The following TGFBR2 variants were observed in gnomAD, a reference collection of about 807,000 sequenced individuals.
TGFBR2 encodes the protein TGF-beta receptor type-2.
In TGFBR2, 18 loss-of-function variants were observed where a neutral mutation model predicts 49.0. The ratio of observed to expected loss-of-function variants is 0.37; its 90% CI spans 0.25 to 0.54. TGFBR2 has a LOEUF of 0.54. Among genes scored for constraint, TGFBR2 ranks in the 20% least tolerant of loss-of-function variants. The pLI, the probability that TGFBR2 is intolerant of heterozygous loss-of-function variation, is 0.85. For missense variants in TGFBR2, 525 were observed against 722.6 expected, an observed-to-expected ratio of 0.73 and a Z score of 3.13; for synonymous variants, 282 against 275.9, an observed-to-expected ratio of 1.02 and a Z score of -0.22.
At chr3:30,628,878 T>C (rs1051497489) in intron 1 of TGFBR2, among the ~76,000 whole-genome samples, 3 of 152,186 alleles carry the variant, frequency 2.0e-5, no homozygotes, top group African/African-American at 7.2e-5. Context: ...TTGTCCCTAA[T>C]TGTCTTCTCT....
intron 1 of TGFBR2, among the ~76,000 whole-genome samples, chr3:30,622,741 G>A (rs1396268144): frequency 6.6e-6 from 1 of 151,792 alleles, no homozygotes; most frequent in East Asian, 1.9e-4. Context: ...TTAGCTAGGA[G>A]TGGTGGGACA....
chr3:30,614,976 C>G (rs1698104419), intron 1 of TGFBR2, among the ~76,000 whole-genome samples: 1 of 152,086 alleles, frequency 6.6e-6, no homozygotes, highest in African/African-American at 2.4e-5. Context: ...ATATATTATC[C>G]CATTGCATTT....
Position 30,674,261 on chromosome 3 carries a change from G to A in TGFBR2, c.1396+15G>A, listed in dbSNP as rs1699394680. 5 of 1,613,844 alleles carry A rather than the reference G, an allele frequency of 3.1e-6. No individual in the cohort carries two copies. Among genetic ancestry groups the A allele is most frequent in the Non-Finnish European group, 4.2e-6 (5 of 1,179,916 alleles). ...TGCAGTGGGAGGTAGGTGTGGACCA[G>A]CATCATTGTGTAGTGGTAAACTTGT... On this transcript the variant is annotated intron_variant, in intron 5 of 6. Coordinates refer to ENST00000295754, the MANE Select transcript of TGFBR2 (RefSeq NM_003242.6).
At chr3:30,624,343 C>T (rs1698290114) in intron 1 of TGFBR2, among the ~76,000 whole-genome samples, 1 of 152,118 alleles carries the variant, frequency 6.6e-6, no homozygotes, top group Non-Finnish European at 1.5e-5. Flanking sequence ...GATGGCCAGG[C>T]ACGGTGGCTC....
intron 1 of TGFBR2, among the ~76,000 whole-genome samples, chr3:30,631,766 A>G (rs1326606860): frequency 6.6e-6 from 1 of 151,516 alleles, no homozygotes; most frequent in Non-Finnish European, 1.5e-5. Context: ...AATGAAAGGG[A>G]CCTTTAAGTT....
intron 1 of TGFBR2, among the ~76,000 whole-genome samples, chr3:30,632,516 A>G (rs1354348044): frequency 2.6e-5 from 4 of 152,244 alleles, no homozygotes; most frequent in Non-Finnish European, 4.4e-5. Flanking sequence ...ACAAAAAATT[A>G]TTATATTTCA....
chr3:30,666,402 G>A (rs1294067494), intron 3 of TGFBR2, among the ~76,000 whole-genome samples: 1 of 152,060 alleles, frequency 6.6e-6, no homozygotes, highest in African/African-American at 2.4e-5. Flanking sequence ...TTCCTGGCAG[G>A]AAAAAGATGC....
intron 1 of TGFBR2, among the ~76,000 whole-genome samples, chr3:30,616,744 C>T (rs1158921033): frequency 6.6e-6 from 1 of 152,056 alleles, no homozygotes; most frequent in African/African-American, 2.4e-5. Flanking sequence ...AGAAATACCA[C>T]AGACTTCCAC....
intron 2 of TGFBR2, among the ~76,000 whole-genome samples, chr3:30,649,372 T>C (rs1304052242): frequency 6.6e-6 from 1 of 152,136 alleles, no homozygotes; most frequent in African/African-American, 2.4e-5. Context: ...ATTATAATAG[T>C]GGGCATTAAT....
At chr3:30,647,097 C>A (rs1698756161) in intron 2 of TGFBR2, among the ~76,000 whole-genome samples, 1 of 152,116 alleles carries the variant, frequency 6.6e-6, no homozygotes, top group Non-Finnish European at 1.5e-5. Flanking sequence ...CCTTCATGAC[C>A]AAGGCACTCA....
At chr3:30,662,228 G>A (rs529209304) in intron 3 of TGFBR2, among the ~76,000 whole-genome samples, 2 of 152,324 alleles carry the variant, frequency 1.3e-5, no homozygotes, top group African/African-American at 4.8e-5. Context: ...TCTGCAGTTA[G>A]AAATATTGTG....
In TGFBR2 at chr3:30,606,713, T is replaced by C. The variant is rs574457011; in HGVS notation, c.-171T>C. The C allele has an allele frequency of 1.2e-5, 5 of 430,602 alleles. No individual in the cohort carries two copies. Among genetic ancestry groups the C allele is most frequent in the Admixed American group, 4.5e-5 (1 of 22,326 alleles). 26.7% of individuals were successfully genotyped at this position (430,602 alleles called of 1,614,324 possible). A position where few individuals can be genotyped will look rare whatever the true frequency, so the allele number is the denominator to read the frequency against. Reference sequence around the variant, plus strand: ...GGGGCCTCCCCGCGCCTCGCCGGCCTCCAGGCCCCCTCCTGGCTGGCGAGC... The same window carrying C: ...GGGGCCTCCCCGCGCCTCGCCGGCCCCCAGGCCCCCTCCTGGCTGGCGAGC... On this transcript the variant is annotated 5_prime_UTR_variant, in exon 1 of 7. Coordinates refer to ENST00000295754, the MANE Select transcript of TGFBR2 (RefSeq NM_003242.6).
chr3:30,629,232 T>C (rs1309412736), intron 1 of TGFBR2, among the ~76,000 whole-genome samples: 1 of 152,258 alleles, frequency 6.6e-6, no homozygotes, highest in African/African-American at 2.4e-5. Flanking sequence ...GAACTGAATG[T>C]ATGATTTCAT....
chr3:30,629,869 T>C (rs987046374), intron 1 of TGFBR2, among the ~76,000 whole-genome samples: 6 of 152,168 alleles, frequency 3.9e-5, no homozygotes, highest in Non-Finnish European at 7.4e-5. Context: ...TCTTTGATAA[T>C]GTGATATTTG....
At chr3:30,671,543 C>G in intron 3 of TGFBR2, 95 bp from the exon 4 acceptor site, 2 of 1,282,340 alleles carry the variant, frequency 1.6e-6, no homozygotes, top group South Asian at 1.2e-5. Flanking sequence ...TATGCAGATG[C>G]TAAAATCTAT....
At chr3:30,649,413 C>T (rs1270583036) in intron 2 of TGFBR2, among the ~76,000 whole-genome samples, 1 of 152,108 alleles carries the variant, frequency 6.6e-6, no homozygotes, top group African/African-American at 2.4e-5. Flanking sequence ...TGTACACTGA[C>T]GGCCAATTGA....
At chr3:30,634,336 G>A (rs892014009) in intron 1 of TGFBR2, among the ~76,000 whole-genome samples, 1 of 152,148 alleles carries the variant, frequency 6.6e-6, no homozygotes, top group African/African-American at 2.4e-5. Flanking sequence ...ATAAAGAATT[G>A]TTTAAATCCT....
intron 3 of TGFBR2, among the ~76,000 whole-genome samples, chr3:30,667,616 G>A (rs1699267325): frequency 6.6e-6 from 1 of 152,140 alleles, no homozygotes; most frequent in Non-Finnish European, 1.5e-5. Flanking sequence ...TTCAGTCAGT[G>A]CCACACATAA....
At position 30,648,721 on chromosome 3, in the gene TGFBR2, G is replaced by A. The variant is rs571053055; in HGVS notation, c.264-1549G>A. Among the ~76,000 whole-genome samples the A allele has an allele frequency of 2.6e-3, 388 of 152,098 alleles. 3 individuals are homozygous for A. The highest frequency in any genetic ancestry group is 8.9e-3 in the African/African-American group (368 of 41,490). The stretch of plus-strand genomic sequence containing the variant: ...TCCTCTTGTGTCTTTCGGAATTCTA[G>A]TTTAAGAACCCTTGAGCCCCTTCAC... On this transcript the variant is annotated intron_variant, in intron 2 of 6. Coordinates refer to ENST00000295754, the MANE Select transcript of TGFBR2 (RefSeq NM_003242.6).
Sources: allele counts gnomAD v4.1 joint callset (sites outside exome capture counted in the v4.1 genomes callset), GRCh38; gene constraint gnomAD v4.1.1; transcripts MANE v1.5; gene names NCBI Gene and HGNC (gene_info 2026-07-23, HGNC 2026-07-21).